The following BANK1 variants were observed in gnomAD, a reference collection of about 807,000 sequenced individuals.
The protein encoded by BANK1 is B cell scaffold protein with ankyrin repeats 1, also known as B-cell scaffold protein with ankyrin repeats.
BANK1 carries 95 observed loss-of-function variants against 94.5 expected under a neutral mutation model. The observed-to-expected ratio is 1.00, with a 90% CI of 0.85 to 1.19. BANK1 has a LOEUF of 1.19. BANK1 is among the 50% of genes most tolerant of loss of function. The pLI is 0.00. For synonymous variants in BANK1, 334 were observed against 308.4 expected (o/e 1.08, Z -0.87); for missense variants, 987 against 932.2 (o/e 1.06, Z -0.77).
At chr4:102,064,599 C>G (rs1728528381) in intron 13 of BANK1, among the ~76,000 whole-genome samples, 1 of 152,026 alleles carries the variant, frequency 6.6e-6, no homozygotes. Flanking sequence ...TCTTAATTAT[C>G]AGTGCCTTAA....
chr4:102,070,211 C>G (rs776658117), intron 13 of BANK1, among the ~76,000 whole-genome samples: 1 of 152,134 alleles, frequency 6.6e-6, no homozygotes, highest in African/African-American at 2.4e-5. Flanking sequence ...AGGTCAAGCT[C>G]CCTGTTTAAC....
chr4:101,850,413 A>C (rs561410863), intron 2 of BANK1, among the ~76,000 whole-genome samples: 2 of 151,168 alleles, frequency 1.3e-5, no homozygotes, highest in African/African-American at 4.9e-5. Flanking sequence ...CTGGGATTAC[A>C]GGCGTGTGCC....
rs141790290 is a variant in BANK1, at chr4:101,870,051, A to G, written c.764-454A>G. Among the ~76,000 whole-genome samples the G allele has an allele frequency of 1.1e-4, 16 of 151,876 alleles. No homozygotes were observed. The East Asian group carries it at 2.9e-3, about 28-fold the overall frequency. Reference sequence around the variant, plus strand: ...TTGCAGTCAATTGAATACAAATTGTATCATTTAAATCAGCTGTACTCTTTC... The same window carrying G: ...TTGCAGTCAATTGAATACAAATTGTGTCATTTAAATCAGCTGTACTCTTTC... On this transcript the variant is annotated intron_variant, in intron 4 of 16. Transcript: ENST00000322953.
intron 7 of BANK1, among the ~76,000 whole-genome samples, chr4:101,971,272 T>C (rs1724942723): frequency 6.6e-6 from 1 of 152,064 alleles, no homozygotes; most frequent in Non-Finnish European, 1.5e-5. Context: ...CAAGTGTGTC[T>C]CCAAATATTC....
intron 5 of BANK1, among the ~76,000 whole-genome samples, chr4:101,876,821 T>C (rs1283811243): frequency 6.6e-6 from 1 of 152,126 alleles, no homozygotes; most frequent in East Asian, 1.9e-4. Context: ...GAGTTAAGAA[T>C]TCTGTCAGAG....
intron 7 of BANK1, among the ~76,000 whole-genome samples, chr4:101,936,330 C>A (rs1723546737): frequency 7.3e-6 from 1 of 137,356 alleles, no homozygotes; most frequent in Admixed American, 8.4e-5. Context: ...TGTATCCATA[C>A]ATATATATGT....
intron 7 of BANK1, among the ~76,000 whole-genome samples, chr4:102,010,174 A>T (rs1726449165): frequency 6.6e-6 from 1 of 151,750 alleles, no homozygotes; most frequent in African/African-American, 2.4e-5. Context: ...CTGAGGCAGG[A>T]GAATGGCGTG....
chr4:101,833,259 G>A lies in BANK1; in HGVS notation c.469+3053G>A, dbSNP rs571380142. On this transcript the variant is annotated intron_variant, in intron 2 of 16. Transcript: ENST00000322953. ...CGCCCAAAGTGCGGGGACTACAGGC[G>A]TGAGCCACTGCACCTGGCCTCAAGT... Among the ~76,000 whole-genome samples, 21 of 152,312 alleles carry A rather than the reference G, an allele frequency of 1.4e-4. No individual in the cohort carries two copies. In the South Asian group the frequency reaches 2.3e-3, roughly 17 times the overall value.
intron 7 of BANK1, among the ~76,000 whole-genome samples, chr4:102,017,992 C>G (rs1726768186): frequency 6.6e-6 from 1 of 152,034 alleles, no homozygotes; most frequent in Admixed American, 6.6e-5. Context: ...AAGAAACTTT[C>G]ATGGGAAATT....
intron 3 of BANK1, among the ~76,000 whole-genome samples, chr4:101,858,802 T>C (rs1445530901): frequency 2.0e-5 from 3 of 152,174 alleles, no homozygotes; most frequent in African/African-American, 7.2e-5. Flanking sequence ...TTGAATGTTT[T>C]TACAATCAGA....
At position 101,829,807 on chromosome 4, in the gene BANK1, G is replaced by T; in HGVS notation, c.71-1G>T. The T allele has an allele frequency of 6.6e-7, 1 of 1,506,556 alleles. No homozygotes were observed. Among genetic ancestry groups the T allele is most frequent in the South Asian group, 1.3e-5 (1 of 76,186 alleles). 93.3% of individuals were successfully genotyped at this position (1,506,556 alleles called of 1,614,324 possible). On this transcript the variant is annotated splice_acceptor_variant, in intron 1 of 16. Transcript: ENST00000322953. LOFTEE classifies it high-confidence loss of function. ...TAAGAAAATATTTTTTCTTTTTCCA[G>T]GAAATACAAAAGATATAATAATGAT... is the stretch of plus-strand genomic sequence containing the variant.
At chr4:101,911,951 T>A (rs1229748614) in intron 6 of BANK1, among the ~76,000 whole-genome samples, 1 of 152,140 alleles carries the variant, frequency 6.6e-6, no homozygotes, top group Non-Finnish European at 1.5e-5. Flanking sequence ...ACATAAATAG[T>A]ATCTATTAGT....
chr4:102,002,085 A>G (rs924183530), intron 7 of BANK1, among the ~76,000 whole-genome samples: 1 of 152,206 alleles, frequency 6.6e-6, no homozygotes, highest in African/African-American at 2.4e-5. Context: ...TAGAACTGGC[A>G]GTGCCTGCAG....
intron 6 of BANK1, among the ~76,000 whole-genome samples, chr4:101,906,848 C>T (rs181820310): frequency 7.2e-5 from 11 of 152,192 alleles, no homozygotes; most frequent in South Asian, 2.1e-4. Flanking sequence ...CCACAATGGA[C>T]GCCACTTGCC....
intron 5 of BANK1, among the ~76,000 whole-genome samples, chr4:101,881,129 A>G (rs11942437): frequency 0.35 from 52,685 of 151,922 alleles, 9,446 homozygotes; most frequent in African/African-American, 0.4. Context: ...AACAAGGTGA[A>G]GAGACTACTC....
intron 13 of BANK1, among the ~76,000 whole-genome samples, chr4:102,066,381 C>T (rs1026765234): frequency 1.3e-5 from 2 of 150,918 alleles, no homozygotes; most frequent in Non-Finnish European, 1.5e-5. Flanking sequence ...CTCAGCCTCC[C>T]GAGTAGCTGA....
chr4:101,860,264 C>A (rs1299669210), intron 3 of BANK1, among the ~76,000 whole-genome samples: 1 of 152,120 alleles, frequency 6.6e-6, no homozygotes, highest in East Asian at 1.9e-4. Context: ...ACAGGGCCTT[C>A]TAAGTGTGGG....
intron 2 of BANK1, among the ~76,000 whole-genome samples, chr4:101,850,417 G>A (rs528940175): frequency 9.2e-5 from 14 of 151,594 alleles, no homozygotes; most frequent in East Asian, 7.8e-4. Flanking sequence ...GATTACAGGC[G>A]TGTGCCATGA....
At chr4:101,875,346 G>A (rs1728449151) in intron 5 of BANK1, among the ~76,000 whole-genome samples, 2 of 152,156 alleles carry the variant, frequency 1.3e-5, no homozygotes, top group African/African-American at 4.8e-5. Context: ...TTCTCACACT[G>A]CTATAAAGAA....
Sources: gnomAD v4.1 joint callset for allele counts (sites outside exome capture counted in the v4.1 genomes callset) on GRCh38, gnomAD v4.1.1 for gene constraint, MANE v1.5 for transcripts, NCBI Gene and HGNC (gene_info 2026-07-23, HGNC 2026-07-21) for gene names.